Variants in AGBL1 observed in about 807,000 individuals in gnomAD.
AGBL1 encodes the protein cytosolic carboxypeptidase 4.
AGBL1 carries 130 observed loss-of-function variants against 118.9 expected under a neutral mutation model. That is an observed-to-expected ratio of 1.09 (90% confidence interval 0.95 to 1.26). AGBL1 has a LOEUF of 1.26. Among genes scored for constraint, AGBL1 ranks in the 50% most tolerant of loss-of-function variants. The pLI, the probability that AGBL1 is intolerant of heterozygous loss-of-function variation, is 0.00. For synonymous variants in AGBL1, 555 were observed against 478.9 expected (o/e 1.16, Z -2.08); for missense variants, 1,584 against 1,298.1 (o/e 1.22, Z -3.38).
At chr15:86,704,880 C>G (rs1034676364) in intron 22 of AGBL1, among the ~76,000 whole-genome samples, 4 of 152,176 alleles carry the variant, frequency 2.6e-5, no homozygotes, top group Non-Finnish European at 4.4e-5. Flanking sequence ...TTGGAACCAA[C>G]TCAGATGCCC....
At chr15:86,974,504 G>A (rs753593347) in intron 23 of AGBL1, among the ~76,000 whole-genome samples, 1,333 of 116,916 alleles carry the variant, frequency 0.011, 49 homozygotes, top group Middle Eastern at 0.024. Flanking sequence ...TTTATATATT[G>A]AATATAAATA....
chr15:86,263,477 A>G (rs1365838884), intron 10 of AGBL1, among the ~76,000 whole-genome samples: 1 of 152,220 alleles, frequency 6.6e-6, no homozygotes, highest in African/African-American at 2.4e-5. Flanking sequence ...CTGTAGCATG[A>G]AGGTACACAT....
chr15:86,232,077 G>A (rs1344609442), intron 6 of AGBL1, among the ~76,000 whole-genome samples: 1 of 152,182 alleles, frequency 6.6e-6, no homozygotes, highest in African/African-American at 2.4e-5. Flanking sequence ...AAGGAAGCAG[G>A]AAGAATTACA....
At chr15:86,724,891 G>A (rs1170610382) in intron 22 of AGBL1, among the ~76,000 whole-genome samples, 1 of 152,184 alleles carries the variant, frequency 6.6e-6, no homozygotes, top group Admixed American at 6.5e-5. Context: ...AGCTTGCTGA[G>A]GTCCTCACCA....
At chr15:86,466,020 C>A (rs2082401707) in intron 18 of AGBL1, among the ~76,000 whole-genome samples, 2 of 152,092 alleles carry the variant, frequency 1.3e-5, no homozygotes, top group South Asian at 4.1e-4. Context: ...GTGATGTCAC[C>A]CCTGGAGACC....
At chr15:86,821,968 G>T (rs964804092) in intron 22 of AGBL1, among the ~76,000 whole-genome samples, 1 of 152,034 alleles carries the variant, frequency 6.6e-6, no homozygotes, top group African/African-American at 2.4e-5. Context: ...GTCACCTTTC[G>T]GCTCCTGTCT....
intron 5 of AGBL1, among the ~76,000 whole-genome samples, chr15:86,189,920 G>A (rs900750157): frequency 1.4e-4 from 21 of 152,132 alleles, no homozygotes; most frequent in African/African-American, 5.1e-4. Context: ...ATGTAACATA[G>A]GCTCAATGAG....
At chr15:86,652,384 A>G (rs763991156) in intron 21 of AGBL1, among the ~76,000 whole-genome samples, 1 of 152,148 alleles carries the variant, frequency 6.6e-6, no homozygotes, top group Non-Finnish European at 1.5e-5. Context: ...AGATCCAAAG[A>G]TAAGAGCTAG....
chr15:86,849,277 C>T (rs1428564236), intron 22 of AGBL1, among the ~76,000 whole-genome samples: 6 of 152,188 alleles, frequency 3.9e-5, no homozygotes, highest in Admixed American at 2.6e-4. Context: ...AATTGCAAGT[C>T]CCTCGGAAGA....
intron 22 of AGBL1, among the ~76,000 whole-genome samples, chr15:86,740,153 A>G (rs1181163286): frequency 1.3e-5 from 2 of 152,240 alleles, no homozygotes; most frequent in Admixed American, 1.3e-4. Context: ...CATTCACTAC[A>G]GCTCAGTCTT....
chr15:86,401,568 T>C (rs1397578143), intron 18 of AGBL1, among the ~76,000 whole-genome samples: 3 of 152,214 alleles, frequency 2.0e-5, no homozygotes. Flanking sequence ...TCTTCTGGAA[T>C]TTTTATGGCT....
At chr15:86,119,004 G>A (rs1897932544) in intron 1 of AGBL1, among the ~76,000 whole-genome samples, 1 of 152,090 alleles carries the variant, frequency 6.6e-6, no homozygotes, top group African/African-American at 2.4e-5. Context: ...TCTCTGAGAG[G>A]GCACACAAGG....
At chr15:86,734,489 GGA>G (rs2077566208) in intron 22 of AGBL1, among the ~76,000 whole-genome samples, 1 of 152,084 alleles carries the variant, frequency 6.6e-6, no homozygotes, top group Non-Finnish European at 1.5e-5. Context: ...AAGAGAGTAA[GGA>G]GAGGTGTGGG....
chr15:86,342,374 T>C (rs768223141), intron 17 of AGBL1, among the ~76,000 whole-genome samples: 1 of 152,212 alleles, frequency 6.6e-6, no homozygotes, highest in Non-Finnish European at 1.5e-5. Context: ...TTCTTTCTTA[T>C]CTTTTGGGAT....
intron 17 of AGBL1, among the ~76,000 whole-genome samples, chr15:86,311,953 G>A (rs1419046421): frequency 1.3e-5 from 2 of 152,316 alleles, no homozygotes; most frequent in African/African-American, 4.8e-5. Context: ...ATAGCTGATC[G>A]ATGTTCCCAT....
intron 5 of AGBL1, among the ~76,000 whole-genome samples, chr15:86,191,037 G>C (rs2141827408): frequency 6.6e-6 from 1 of 152,184 alleles, no homozygotes; most frequent in East Asian, 1.9e-4. Context: ...AAAGATGCCT[G>C]AAGAAGACAG....
intron 24 of AGBL1, among the ~76,000 whole-genome samples, chr15:87,012,517 C>G (rs1460350890): frequency 6.6e-6 from 1 of 151,952 alleles, no homozygotes; most frequent in East Asian, 1.9e-4. Flanking sequence ...TGTTCACAGT[C>G]ACCTGGTAAG....
intron 21 of AGBL1, among the ~76,000 whole-genome samples, chr15:86,649,563 A>G (rs2085336081): frequency 6.6e-6 from 1 of 152,166 alleles, no homozygotes; most frequent in Non-Finnish European, 1.5e-5. Flanking sequence ...AAGACAGCAG[A>G]AGCTGAGAAT....
In AGBL1 at chr15:86,590,822, C is replaced by G. The variant is rs1215481820; in HGVS notation, c.2994+36285C>G. 2.0e-5 allele frequency among the ~76,000 whole-genome samples: 3 copies of G among 152,210 alleles called. No individual in the cohort carries two copies. The East Asian group carries it at 5.8e-4, about 29-fold the overall frequency. On this transcript the variant is annotated intron_variant, in intron 21 of 22. Coordinates refer to ENST00000614907, the MANE Select transcript of AGBL1 (RefSeq NM_001386094.1). Reference sequence around the variant, plus strand: ...TTGCAGAGCTACTTTTATTTGCTGGCTCTCTGACAGCCATCTCAAAATATG... The same window carrying G: ...TTGCAGAGCTACTTTTATTTGCTGGGTCTCTGACAGCCATCTCAAAATATG...
Sources: allele counts gnomAD v4.1 joint callset (sites outside exome capture counted in the v4.1 genomes callset), GRCh38; gene constraint gnomAD v4.1.1; transcripts MANE v1.5; gene names NCBI Gene and HGNC (gene_info 2026-07-23, HGNC 2026-07-21).